The following CFAP43 variants were observed in gnomAD, a reference collection of about 807,000 sequenced individuals.
The protein encoded by CFAP43 is cilia and flagella associated protein 43.
CFAP43 carries 155 observed loss-of-function variants against 218.9 expected under a neutral mutation model. The observed-to-expected ratio is 0.71, with a 90% CI of 0.62 to 0.81. CFAP43 has a LOEUF of 0.81. CFAP43 is among the 30% of genes least tolerant of loss of function. The pLI is 0.00. For missense variants in CFAP43, 1,778 were observed against 1,954.3 expected (o/e 0.91, Z 1.70); for synonymous variants, 645 against 681.3 (o/e 0.95, Z 0.83).
chr10:104,164,252 C>T lies in CFAP43; in HGVS notation c.3088G>A (p.Ala1030Thr). 1 of 1,612,708 alleles carries T rather than the reference C, an allele frequency of 6.2e-7. No individual in the cohort carries two copies. The highest frequency in any genetic ancestry group is 8.5e-7 in the Non-Finnish European group (1 of 1,179,194). ...KTVFNNEFDA[A>T]YKQKEFEIAR... Reference sequence around the variant, plus strand: ...ATTTCAAACTCTTTTTGTTTATATGCAGCGTCAAACTCATTATTGAAAACA... The same window carrying T: ...ATTTCAAACTCTTTTTGTTTATATGTAGCGTCAAACTCATTATTGAAAACA... Residue 1030 changes from alanine (A) to threonine (T), a missense_variant, in exon 24 of 38, where the codon GCA becomes ACA. Physicochemically the swap from Ala to Thr is moderately conservative, Grantham distance 58. Transcript: ENST00000357060.
intron 2 of CFAP43, among the ~76,000 whole-genome samples, chr10:104,227,780 T>G: frequency 6.6e-6 from 1 of 151,956 alleles, no homozygotes; most frequent in East Asian, 1.9e-4. Context: ...TTTTGTTTTG[T>G]GTGAAAAGTT....
chr10:104,210,935 C>T (rs546199127), intron 5 of CFAP43, among the ~76,000 whole-genome samples: 10 of 152,040 alleles, frequency 6.6e-5, no homozygotes, highest in Admixed American at 2.0e-4. Context: ...GGATTACAGG[C>T]GTCCGCCACC....
intron 10 of CFAP43, among the ~76,000 whole-genome samples, chr10:104,195,443 G>A (rs1204889117): frequency 1.3e-5 from 2 of 152,184 alleles, no homozygotes; most frequent in African/African-American, 2.4e-5. Context: ...TATAACCCTT[G>A]GTCACATAGA....
chr10:104,229,967 T>C (rs1329535957), intron 2 of CFAP43, among the ~76,000 whole-genome samples: 2 of 152,212 alleles, frequency 1.3e-5, no homozygotes, highest in African/African-American at 2.4e-5. Context: ...TTAATGTGCA[T>C]ATGAATCACC....
chr10:104,131,981 T>G, intron 36 of CFAP43, 135 bp downstream of exon 36: 1 of 582,120 alleles, frequency 1.7e-6, no homozygotes, highest in Non-Finnish European at 2.8e-6. Flanking sequence ...TAGGGACTTT[T>G]AATTACCTCA....
intron 1 of CFAP43, among the ~76,000 whole-genome samples, chr10:104,231,980 G>A (rs1156299801): frequency 2.0e-5 from 3 of 151,682 alleles, no homozygotes; most frequent in African/African-American, 4.8e-5. Context: ...TGGGGACGGG[G>A]TCAAGGAACA....
chr10:104,185,561 C>G (rs191257297), intron 15 of CFAP43, among the ~76,000 whole-genome samples: 1 of 152,156 alleles, frequency 6.6e-6, no homozygotes, highest in African/African-American at 2.4e-5. Flanking sequence ...GAGAGGGTGA[C>G]GGGCACTGTG....
At chr10:104,165,918 A>G (rs1469145716) in intron 23 of CFAP43, among the ~76,000 whole-genome samples, 8 of 152,262 alleles carry the variant, frequency 5.3e-5, no homozygotes, top group Non-Finnish European at 1.0e-4. Flanking sequence ...TCCAAAACAG[A>G]ATGGTTTGTG....
At chr10:104,136,807 A>C (rs1248707376) in intron 34 of CFAP43, among the ~76,000 whole-genome samples, 1 of 152,200 alleles carries the variant, frequency 6.6e-6, no homozygotes, top group Non-Finnish European at 1.5e-5. Flanking sequence ...GAAAATGGGC[A>C]AAAGACTTCA....
Position 104,152,713 on chromosome 10 carries a change from TC to T in CFAP43, c.3553del (p.Glu1185AsnfsTer2). On this transcript the variant is annotated frameshift_variant, in exon 28 of 38. Transcript: ENST00000357060. LOFTEE classifies it high-confidence loss of function. Reference sequence around the variant, plus strand: ...AATAGAGTTTTGAAGTTTCTTCAGTTCTGCTTCTAATGACTAAAAGGAAAAC... The same window carrying T: ...AATAGAGTTTTGAAGTTTCTTCAGTTTGCTTCTAATGACTAAAAGGAAAAC... ...RDKYRKSLEA[E>X]LKKLQNSIQE... The T allele has an allele frequency of 6.2e-7, 1 of 1,610,398 alleles. No individual in the cohort carries two copies. Among genetic ancestry groups the T allele is most frequent in the Non-Finnish European group, 8.5e-7 (1 of 1,179,122 alleles).
Position 104,162,305 on chromosome 10 carries a change from A to G in CFAP43, c.3333+12T>C. ...GAGGGTCTTAGGACCTGTGTTAAGCAAAGCTACATGCCTGTATCAGAAGCC... is the reference window on the plus strand; with the variant it reads ...GAGGGTCTTAGGACCTGTGTTAAGCGAAGCTACATGCCTGTATCAGAAGCC... On this transcript the variant is annotated intron_variant, in intron 25 of 37. Coordinates refer to ENST00000357060, the MANE Select transcript of CFAP43 (RefSeq NM_025145.7). 6.2e-7 allele frequency: 1 copy of G among 1,612,914 alleles called. No homozygotes were observed. The highest frequency in any genetic ancestry group is 1.1e-5 in the South Asian group (1 of 91,054).
At chr10:104,152,377 G>T (rs2088305537) in intron 28 of CFAP43, among the ~76,000 whole-genome samples, 1 of 152,108 alleles carries the variant, frequency 6.6e-6, no homozygotes, top group South Asian at 2.1e-4. Flanking sequence ...CAGTATTACT[G>T]GCAGAGTTGG....
chr10:104,230,762 T>C lies in CFAP43; in HGVS notation c.147A>G (p.Ile49Met), dbSNP rs2091428449. Reference sequence around the variant, plus strand: ...TTTTCTTGGTTTCAATATTAATAAATATTACATAATTCCCACAAGGGTAGC... The same window carrying C: ...TTTTCTTGGTTTCAATATTAATAAACATTACATAATTCCCACAAGGGTAGC... ...TICYPCGNYV[I>M]FINIETKKKT... Residue 49 changes from isoleucine to methionine, a missense_variant, in exon 2 of 38, where the codon ATA becomes ATG. By Grantham distance (10) the Ile-to-Met change is conservative. Transcript: ENST00000357060. The C allele has an allele frequency of 1.2e-6, 2 of 1,613,870 alleles. No individual in the cohort carries two copies. The highest frequency in any genetic ancestry group is 3.3e-5 in the Admixed American group (2 of 60,004).
intron 11 of CFAP43, 38 bp downstream of exon 11, chr10:104,193,828 G>T: frequency 6.3e-7 from 1 of 1,597,590 alleles, no homozygotes. Context: ...ACAGACGGGT[G>T]TGACACGGAG....
In CFAP43 at chr10:104,166,557, G is replaced by A. The variant is rs758610607; in HGVS notation, c.2970C>T (p.Thr990=). 1.2e-5 allele frequency: 19 copies of A among 1,613,916 alleles called. No homozygotes were observed. The East Asian group carries it at 3.8e-4, about 32-fold the overall frequency. The change falls in exon 23 of 38, where the codon ACC becomes ACT. Residue 990 remains threonine, a synonymous_variant. Coordinates refer to ENST00000357060, the MANE Select transcript of CFAP43 (RefSeq NM_025145.7). ...GCTCCAATTGGCTTGACAATAAAGA[G>A]GTATCTACCCCAAAATCAGTACTCA... is the stretch of plus-strand genomic sequence containing the variant. ...GSLSTDFGVD[T]SLLSSQLELH...
intron 16 of CFAP43, 88 bp downstream of exon 16, chr10:104,184,928 C>T (rs1044097752): frequency 1.3e-6 from 2 of 1,528,100 alleles, no homozygotes; most frequent in Non-Finnish European, 1.7e-6. Context: ...TCTCCCAGCA[C>T]GTTGGCCTTG....
At chr10:104,203,878 A>C in intron 7 of CFAP43, 75 bp from the exon 8 acceptor site, 1 of 1,334,716 alleles carries the variant, frequency 7.5e-7, no homozygotes, top group Non-Finnish European at 9.9e-7. Flanking sequence ...CAGACAAGCT[A>C]AGGCTTATTG....
At chr10:104,133,868 A>G (rs1474506117) in intron 34 of CFAP43, 84 bp from the exon 35 acceptor site, 1 of 1,249,080 alleles carries the variant, frequency 8.0e-7, no homozygotes, top group Non-Finnish European at 1.1e-6. Context: ...CTATTTTTAG[A>G]AAATACTTGG....
chr10:104,220,796 C>G (rs2091154823), intron 3 of CFAP43, among the ~76,000 whole-genome samples: 2 of 152,178 alleles, frequency 1.3e-5, no homozygotes, highest in African/African-American at 4.8e-5. Flanking sequence ...AGGTTAAACT[C>G]TAGAACATGT....
Sources: allele counts gnomAD v4.1 joint callset (sites outside exome capture counted in the v4.1 genomes callset), GRCh38; gene constraint gnomAD v4.1.1; transcripts MANE v1.5; gene names NCBI Gene and HGNC (gene_info 2026-07-23, HGNC 2026-07-21).